The following LPP variants were observed in gnomAD, a reference collection of about 807,000 sequenced individuals.
LPP encodes the protein LIM domain containing preferred translocation partner in lipoma.
In LPP, 38 loss-of-function variants were observed where a neutral mutation model predicts 60.4. That is an observed-to-expected ratio of 0.63 (90% CI 0.49 to 0.83). The LOEUF (loss-of-function observed/expected upper bound fraction) is 0.83. Among genes scored for constraint, LPP ranks in the 40% least tolerant of loss-of-function variants. The pLI is 0.00. For missense variants in LPP, 902 were observed against 783.6 expected, an observed-to-expected ratio of 1.15 and a Z score of -1.80; for synonymous variants, 328 against 290.8, an observed-to-expected ratio of 1.13 and a Z score of -1.30.
intron 3 of LPP, among the ~76,000 whole-genome samples, chr3:188,350,413 G>A (rs1765524661): frequency 1.3e-5 from 2 of 152,336 alleles, no homozygotes; most frequent in African/African-American, 4.8e-5. Context: ...GTAAGTCTCT[G>A]TCAGGCAAAA....
intron 8 of LPP, among the ~76,000 whole-genome samples, chr3:188,718,720 A>G (rs1715108886): frequency 6.6e-6 from 1 of 152,238 alleles, no homozygotes; most frequent in African/African-American, 2.4e-5. Flanking sequence ...GAATTAATGA[A>G]CTAATAAATG....
rs1174758169 is a variant in LPP, at chr3:188,316,923, T to A, written c.-66-24740T>A. On this transcript the variant is annotated intron_variant, in intron 2 of 11. Transcript: ENST00000617246. ...ACTGTGCATTTTTAGATGGACCTGA[T>A]ATTTGGTTACCTCCCTTGTCAGGCC... is the stretch of plus-strand genomic sequence containing the variant. Among the ~76,000 whole-genome samples, 8 of 152,300 alleles carry A rather than the reference T, an allele frequency of 5.3e-5. No individual in the cohort carries two copies. The South Asian group carries it at 8.3e-4, about 16-fold the overall frequency.
intron 1 of LPP, among the ~76,000 whole-genome samples, chr3:188,202,470 A>C (rs1039700303): frequency 1.3e-5 from 2 of 152,228 alleles, no homozygotes; most frequent in Non-Finnish European, 2.9e-5. Flanking sequence ...GAGGCCCATA[A>C]GCCATGAGGC....
intron 7 of LPP, among the ~76,000 whole-genome samples, chr3:188,701,853 TA>T (rs1329122452): frequency 4.6e-5 from 7 of 151,962 alleles, no homozygotes; most frequent in Non-Finnish European, 8.8e-5. Context: ...CTCCCATTTT[TA>T]AATCTCATAA....
intron 5 of LPP, among the ~76,000 whole-genome samples, chr3:188,503,499 GCCTA>G (rs1812532314): frequency 6.6e-6 from 1 of 152,072 alleles, no homozygotes; most frequent in African/African-American, 2.4e-5. Context: ...ATAAGCGTCT[GCCTA>G]TTTGCCTTTT....
intron 9 of LPP, among the ~76,000 whole-genome samples, chr3:188,845,819 G>A (rs370067158): frequency 7.9e-5 from 12 of 152,180 alleles, no homozygotes; most frequent in East Asian, 7.7e-4. Context: ...GTCCTAGACC[G>A]AAAGCTTATC....
chr3:188,565,003 G>A (rs1021183327), intron 6 of LPP, among the ~76,000 whole-genome samples: 1 of 151,790 alleles, frequency 6.6e-6, no homozygotes, highest in African/African-American at 2.4e-5. Flanking sequence ...TCTGCTCCCA[G>A]CTTTTCTTTT....
chr3:188,757,889 G>GTTTTTTTTTTTTTTT (rs750488243), intron 8 of LPP, among the ~76,000 whole-genome samples: 32 of 78,716 alleles, frequency 4.1e-4, no homozygotes, highest in Non-Finnish European at 4.6e-4. Context: ...TGTTTTTTTG[G>GTTTTTTTTTTTTTTT]TTTTTTTTTT....
chr3:188,571,420 T>C (rs1833513608), intron 6 of LPP, among the ~76,000 whole-genome samples: 1 of 150,962 alleles, frequency 6.6e-6, no homozygotes, highest in African/African-American at 2.4e-5. Context: ...TATCTCTTTC[T>C]AGGATCACAA....
At chr3:188,507,093 G>A (rs552070344) in intron 5 of LPP, among the ~76,000 whole-genome samples, 68 of 152,176 alleles carry the variant, frequency 4.5e-4, no homozygotes, top group African/African-American at 1.6e-3. Flanking sequence ...CACCACGCCC[G>A]GCCCATAACC....
chr3:188,380,461 T>C (rs1776568033), intron 3 of LPP, among the ~76,000 whole-genome samples: 1 of 152,252 alleles, frequency 6.6e-6, no homozygotes, highest in South Asian at 2.1e-4. Context: ...TGATTTCCTT[T>C]GGACTCATGG....
chr3:188,272,719 C>G (rs527621539), intron 2 of LPP, among the ~76,000 whole-genome samples: 1 of 152,160 alleles, frequency 6.6e-6, no homozygotes, highest in Non-Finnish European at 1.5e-5. Context: ...AAGCACAATA[C>G]ATCTTTTGCT....
At chr3:188,431,462 G>C (rs950374397) in intron 4 of LPP, among the ~76,000 whole-genome samples, 1 of 152,126 alleles carries the variant, frequency 6.6e-6, no homozygotes, top group Admixed American at 6.6e-5. Context: ...GATTTTTAGC[G>C]AAGACCTCGC....
intron 9 of LPP, among the ~76,000 whole-genome samples, chr3:188,806,110 C>T (rs1449174139): frequency 6.6e-6 from 1 of 151,850 alleles, no homozygotes; most frequent in East Asian, 1.9e-4. Flanking sequence ...CAGTATTGTA[C>T]AAGTTCTCTC....
chr3:188,563,718 G>GTT, intron 6 of LPP, among the ~76,000 whole-genome samples: 1 of 93,948 alleles, frequency 1.1e-5, no homozygotes, highest in Non-Finnish European at 2.4e-5. Context: ...AATTGCTTGT[G>GTT]TTTTTTTTTG....
intron 6 of LPP, among the ~76,000 whole-genome samples, chr3:188,530,300 A>G (rs1215734728): frequency 6.6e-6 from 1 of 152,258 alleles, no homozygotes; most frequent in Non-Finnish European, 1.5e-5. Flanking sequence ...CAGCTACTTT[A>G]TAAAAAAATC....
chr3:188,203,257 A>G (rs1435490381), intron 1 of LPP, among the ~76,000 whole-genome samples: 1 of 126,344 alleles, frequency 7.9e-6, no homozygotes, highest in Non-Finnish European at 1.6e-5. Context: ...AATATAGTAT[A>G]GTAAAATATA....
chr3:188,443,106 A>G lies in LPP; in HGVS notation c.193+36793A>G, dbSNP rs560187338. ...TCTTTTCTCTCAGAACTTGATTTTC[A>G]TTACTTGAACTTTGTCTTCTATGCT... On this transcript the variant is annotated intron_variant, in intron 4 of 11. Transcript: ENST00000617246. Among the ~76,000 whole-genome samples, 8 of 152,272 alleles carry G rather than the reference A, an allele frequency of 5.3e-5. No homozygotes were observed. The South Asian group carries it at 1.4e-3, about 28-fold the overall frequency.
Position 188,879,497 on chromosome 3 carries a change from A to T in LPP, c.*5018A>T, listed in dbSNP as rs1769670041. Reference sequence around the variant, plus strand: ...ATTTATTCGTAAAGTGAAATGAGATAATAGAGTCTTTCTGTTTCATGTTAA... The same window carrying T: ...ATTTATTCGTAAAGTGAAATGAGATTATAGAGTCTTTCTGTTTCATGTTAA... On this transcript the variant is annotated 3_prime_UTR_variant, in exon 12 of 12. Coordinates refer to ENST00000617246, the MANE Select transcript of LPP (RefSeq NM_001375462.1). The T allele has an allele frequency of 5.0e-6, 1 of 201,162 alleles. No homozygotes were observed. Among genetic ancestry groups the T allele is most frequent in the Admixed American group, 6.0e-5 (1 of 16,672 alleles). The allele number at this position is 201,162 out of a possible 1,614,324, so 12.5% of individuals were successfully genotyped here.
Sources: allele counts gnomAD v4.1 joint callset (sites outside exome capture counted in the v4.1 genomes callset), GRCh38; gene constraint gnomAD v4.1.1; transcripts MANE v1.5; gene names NCBI Gene and HGNC (gene_info 2026-07-23, HGNC 2026-07-21).